Variants in KLHL5 observed in about 807,000 individuals in gnomAD.
KLHL5 encodes kelch-like protein 5.
Under a neutral mutation model 77.7 loss-of-function variants are expected in KLHL5, and 48 were observed. That is an observed-to-expected ratio of 0.62 (90% CI 0.49 to 0.79). The LOEUF is 0.79. Among genes scored for constraint, KLHL5 ranks in the 30% least tolerant of loss-of-function variants. The pLI, the probability that KLHL5 is intolerant of heterozygous loss-of-function variation, is 0.00. For missense variants in KLHL5, 723 were observed against 859.7 expected (o/e 0.84, Z 1.99); for synonymous variants, 260 against 297.0 (o/e 0.88, Z 1.28).
At chr4:39,070,464 G>C (rs1199169548) in intron 1 of KLHL5, among the ~76,000 whole-genome samples, 3 of 152,068 alleles carry the variant, frequency 2.0e-5, no homozygotes, top group Non-Finnish European at 4.4e-5. Flanking sequence ...TTCTCTATTA[G>C]AAACAACCTG....
At position 39,124,802 on chromosome 4, in the gene KLHL5, C is replaced by CAAAAAAAAAAAAAAAAAAAA. The variant is rs71643268; in HGVS notation, c.*3741_*3760dup. Among the ~76,000 whole-genome samples the CAAAAAAAAAAAAAAAAAAAA allele has an allele frequency of 4.7e-3, 207 of 44,094 alleles. 5 individuals carry two copies. Among genetic ancestry groups the CAAAAAAAAAAAAAAAAAAAA allele is most frequent in the Middle Eastern group, 0.023 (1 of 44 alleles). The allele number at this position is 44,094 out of a possible 152,430, so 28.9% of individuals were successfully genotyped here. ...GCACCAAAAGCACAAGCAACAACAG[C>CAAAAAAAAAAAAAAAAAAAA]AAAAAAAAAAAAAAAAAAAAAAAAT... On this transcript the variant is annotated 3_prime_UTR_variant, in exon 11 of 11. Transcript: ENST00000504108.
rs115116302 is a variant in KLHL5, at chr4:39,079,728, T to C, written c.567-1375T>C. ...CCTACCCTCTAAATGTAAGACTCCA[T>C]AAGAGAAGGGATCTTTTGTCTTATT... On this transcript the variant is annotated intron_variant, in intron 2 of 10. Coordinates refer to ENST00000504108, the MANE Select transcript of KLHL5 (RefSeq NM_015990.5). 2.5e-3 allele frequency among the ~76,000 whole-genome samples: 378 copies of C among 152,324 alleles called. 3 individuals carry two copies. The highest frequency in any genetic ancestry group is 8.2e-3 in the African/African-American group (343 of 41,576).
Position 39,062,249 on chromosome 4 carries a change from G to A in KLHL5, c.-404G>A. 3 of 1,276,002 alleles carry A rather than the reference G, an allele frequency of 2.4e-6. No individual in the cohort carries two copies. The highest frequency in any genetic ancestry group is 3.0e-6 in the Non-Finnish European group (3 of 1,009,242). 79.0% of individuals were successfully genotyped at this position (1,276,002 alleles called of 1,614,324 possible). A position where few individuals can be genotyped will look rare whatever the true frequency, so the allele number is the denominator to read the frequency against. On this transcript the variant is annotated 5_prime_UTR_variant, in exon 1 of 11. Coordinates refer to ENST00000504108, the MANE Select transcript of KLHL5 (RefSeq NM_015990.5). ...ACTGAGATACTGCAACGGGGATAGTGTTTTCTGTCTCTGTCATTTGTGGTT... is the reference window on the plus strand; with the variant it reads ...ACTGAGATACTGCAACGGGGATAGTATTTTCTGTCTCTGTCATTTGTGGTT...
At chr4:39,120,071 G>A (rs1723109543) in intron 10 of KLHL5, 1 of 151,992 alleles carries the variant, frequency 6.6e-6, no homozygotes, top group Non-Finnish European at 1.5e-5. Flanking sequence ...AGTCATTTTG[G>A]CATTTGACAA....
chr4:39,056,076 T>C (rs894883104), intron 1 of KLHL5, among the ~76,000 whole-genome samples: 2 of 152,366 alleles, frequency 1.3e-5, no homozygotes, highest in Non-Finnish European at 1.5e-5. Flanking sequence ...GTCTACCATG[T>C]GGTTTGTAGA....
chr4:39,131,033 T>G (rs973405092), downstream of KLHL5, among the ~76,000 whole-genome samples: 4 of 141,294 alleles, frequency 2.8e-5, no homozygotes, highest in Non-Finnish European at 6.1e-5. Flanking sequence ...TTTTTTTTTT[T>G]GTAGAGATAG....
rs1723337016 is a variant in KLHL5, at chr4:39,123,387, C to T, written c.*2321C>T. Among the ~76,000 whole-genome samples the T allele has an allele frequency of 6.6e-6, 1 of 152,144 alleles. No homozygotes were observed. The highest frequency in any genetic ancestry group is 1.5e-5 in the Non-Finnish European group (1 of 68,026). On this transcript the variant is annotated 3_prime_UTR_variant, in exon 11 of 11. Transcript: ENST00000504108. ...TATAAGGCGGACATTACCTTAACAC[C>T]AAAGCCAGACAAAGACCTCACAGGG...
chr4:39,086,418 G>A (rs1720040603), intron 4 of KLHL5, 97 bp from the exon 5 acceptor site: 10 of 872,676 alleles, frequency 1.1e-5, no homozygotes, highest in Middle Eastern at 3.4e-4. Flanking sequence ...TATAAATTGT[G>A]TGTTGGTAGC....
intron 1 of KLHL5, among the ~76,000 whole-genome samples, chr4:39,066,981 A>G (rs187272506): frequency 9.5e-4 from 145 of 152,366 alleles, no homozygotes; most frequent in Middle Eastern, 6.8e-3. Context: ...AAGTTCCTAT[A>G]TACCCCATAC....
At chr4:39,110,652 G>A (rs962877107) in intron 8 of KLHL5, among the ~76,000 whole-genome samples, 1 of 152,006 alleles carries the variant, frequency 6.6e-6, no homozygotes, top group African/African-American at 2.4e-5. Context: ...TTTTTTTGTA[G>A]AGATGGGATC....
At chr4:39,126,770 T>C (rs985284076), downstream of KLHL5, 4 of 455,494 alleles carry the variant, frequency 8.8e-6, no homozygotes, top group Non-Finnish European at 1.8e-5. Flanking sequence ...CAAAACTCCT[T>C]ATCTGAGGAA....
rs113787273 is a variant in KLHL5 at position 39,048,931 on chromosome 4, C to T, written c.-95+3835C>T. ...TGCTGGGATTACAGGTGTGAACCACCGCGCCTGGTGTACATTGGCTCTTCA... is the reference window on the plus strand; with the variant it reads ...TGCTGGGATTACAGGTGTGAACCACTGCGCCTGGTGTACATTGGCTCTTCA... On this transcript the variant is annotated intron_variant, in intron 1 of 11. Coordinates refer to the KLHL5 transcript ENST00000261425. 5.8e-3 allele frequency among the ~76,000 whole-genome samples: 883 copies of T among 152,130 alleles called. 9 individuals are homozygous for T. Among genetic ancestry groups the T allele is most frequent in the African/African-American group, 0.02 (834 of 41,492 alleles).
intron 6 of KLHL5, among the ~76,000 whole-genome samples, chr4:39,101,335 A>C (rs1287516635): frequency 2.0e-5 from 3 of 151,744 alleles, no homozygotes; most frequent in Non-Finnish European, 4.4e-5. Flanking sequence ...TGTTGGAGGG[A>C]ATTTTCTAAT....
chr4:39,095,237 A>G (rs1321857125), intron 5 of KLHL5, among the ~76,000 whole-genome samples: 1 of 152,176 alleles, frequency 6.6e-6, no homozygotes, highest in Non-Finnish European at 1.5e-5. Context: ...GGAAAATTCA[A>G]ATTAAAGGGA....
intron 1 of KLHL5, among the ~76,000 whole-genome samples, chr4:39,053,703 G>A (rs955088095): frequency 2.0e-5 from 3 of 152,148 alleles, no homozygotes; most frequent in South Asian, 2.1e-4. Context: ...CAAAAGTAAC[G>A]ATTTTGTTAT....
At chr4:39,140,037 G>C in the KLHL5 span, among the ~76,000 whole-genome samples, 1 of 152,108 alleles carries the variant, frequency 6.6e-6, no homozygotes, top group Non-Finnish European at 1.5e-5. Context: ...GACCAGCCTG[G>C]GCAACATGGC....
Position 39,046,519 on chromosome 4 carries a change from C to G in KLHL5, c.-95+1423C>G, listed in dbSNP as rs573659410. Reference sequence around the variant, plus strand: ...ATTCCAGCCCTTTGGGAGGCCGTGGCGAGCGGATCGCTTGAGCTCAGGGGT... The same window carrying G: ...ATTCCAGCCCTTTGGGAGGCCGTGGGGAGCGGATCGCTTGAGCTCAGGGGT... On this transcript the variant is annotated intron_variant, in intron 1 of 11. Transcript: ENST00000261425. Among the ~76,000 whole-genome samples the G allele has an allele frequency of 7.3e-4, 111 of 152,054 alleles. 1 individual carries two copies. Among genetic ancestry groups the G allele is most frequent in the African/African-American group, 2.5e-3 (104 of 41,430 alleles).
intron 2 of KLHL5, 32 bp downstream of exon 2, chr4:39,076,179 A>G: frequency 6.4e-7 from 1 of 1,566,582 alleles, no homozygotes; most frequent in Non-Finnish European, 8.6e-7. Flanking sequence ...GTATGTGTGA[A>G]ATATTTCCTC....
intron 5 of KLHL5, among the ~76,000 whole-genome samples, chr4:39,087,957 AAATAG>A (rs1241860188): frequency 6.6e-6 from 1 of 152,224 alleles, no homozygotes; most frequent in African/African-American, 2.4e-5. Flanking sequence ...TCCTCTTCAG[AAATAG>A]AATATTGTAT....
Sources: allele counts gnomAD v4.1 joint callset (sites outside exome capture counted in the v4.1 genomes callset), GRCh38; gene constraint gnomAD v4.1.1; transcripts MANE v1.5; gene names NCBI Gene and HGNC (gene_info 2026-07-23, HGNC 2026-07-21).